The following FBRS variants were observed in gnomAD, a reference collection of about 807,000 sequenced individuals.
FBRS encodes fibrosin, also known as probable fibrosin-1.
In FBRS, 15 loss-of-function variants were observed where a neutral mutation model predicts 86.1. The ratio of observed to expected loss-of-function variants is 0.17; its 90% CI spans 0.12 to 0.27. The LOEUF (loss-of-function observed/expected upper bound fraction) is 0.27, where lower values mean the gene tolerates loss of function less well. Ranked by LOEUF, FBRS falls within the 10% of genes least tolerant of loss-of-function variation. The probability of loss-of-function intolerance (pLI) is 1.00; values close to 1 mark genes in which losing one functional copy is unlikely to be tolerated. For synonymous variants in FBRS, 666 were observed against 575.8 expected (o/e 1.16, Z -2.24); for missense variants, 1,367 against 1,301.6 (o/e 1.05, Z -0.77).
intron 6 of FBRS, among the ~76,000 whole-genome samples, chr16:30,663,273 TTCTG>T (rs778063196): frequency 2.6e-5 from 4 of 152,200 alleles, no homozygotes; most frequent in Non-Finnish European, 5.9e-5. Flanking sequence ...GATTTCCTCT[TTCTG>T]TCAAATGGAA....
Position 30,669,986 on chromosome 16 carries a change from G to C in FBRS, c.*341G>C, listed in dbSNP as rs1224481060. On this transcript the variant is annotated 3_prime_UTR_variant, in exon 18 of 18. Coordinates refer to ENST00000356166, the MANE Select transcript of FBRS (RefSeq NM_001105079.3). The surrounding 1 kb of genome is among the most constrained non-coding windows in gnomAD (Gnocchi z 5.9). ...GCCTGCCTCCCCAAGGGCTCACTAA[G>C]CCAGAGGCCAAAGTGCCCCCTCCCG... 7.7e-6 allele frequency: 4 copies of C among 520,994 alleles called. No homozygotes were observed. Among genetic ancestry groups the C allele is most frequent in the South Asian group, 7.0e-5 (4 of 57,168 alleles). 32.3% of individuals were successfully genotyped at this position (520,994 alleles called of 1,614,324 possible). A position where few individuals can be genotyped will look rare whatever the true frequency, so the allele number is the denominator to read the frequency against.
In FBRS at chr16:30,665,142, G is replaced by A; in HGVS notation, c.1608+63G>A. On this transcript the variant is annotated intron_variant, in intron 9 of 17. Coordinates refer to ENST00000356166, the MANE Select transcript of FBRS (RefSeq NM_001105079.3). The surrounding 1 kb of genome is among the most constrained non-coding windows in gnomAD (Gnocchi z 4.1). Reference sequence around the variant, plus strand: ...TGTGGGCGTGGATGCATCCATGCTTGTGACCCTGACTGCTGGGGTCCAGTC... The same window carrying A: ...TGTGGGCGTGGATGCATCCATGCTTATGACCCTGACTGCTGGGGTCCAGTC... The A allele has an allele frequency of 6.3e-7, 1 of 1,584,428 alleles. No homozygotes were observed. Among genetic ancestry groups the A allele is most frequent in the South Asian group, 1.1e-5 (1 of 87,332 alleles).
rs1412136336 is a variant in FBRS at position 30,659,111 on chromosome 16, G to C, written c.-408G>C. On this transcript the variant is annotated 5_prime_UTR_variant, in exon 1 of 18. Coordinates refer to ENST00000356166, the MANE Select transcript of FBRS (RefSeq NM_001105079.3). ...GGTCTGCGTTTCGGGGCGAGCTTTCGGCCCCTTTTAAAGGGGTGGCCCTTC... is the reference window on the plus strand; with the variant it reads ...GGTCTGCGTTTCGGGGCGAGCTTTCCGCCCCTTTTAAAGGGGTGGCCCTTC... 6.6e-6 allele frequency: 1 copy of C among 152,200 alleles called. No homozygotes were observed. The highest frequency in any genetic ancestry group is 1.9e-4 in the East Asian group (1 of 5,172). The allele number at this position is 152,200 out of a possible 1,614,324, so 9.4% of individuals were successfully genotyped here. A position where few individuals can be genotyped will look rare whatever the true frequency, so the allele number is the denominator to read the frequency against.
Position 30,665,486 on chromosome 16 carries a change from C to T in FBRS, c.1704+85C>T. On this transcript the variant is annotated intron_variant, in intron 10 of 17. Transcript: ENST00000356166. This position sits in a 1 kb window ranked among gnomAD's most constrained non-coding sequence, Gnocchi z 4.1. ...GGTCCAAGCACCCTTCTCCCATTCC[C>T]CAAAGTCGTGCCCATCCTCCTGCCC... 6.9e-7 allele frequency: 1 copy of T among 1,447,208 alleles called. No individual in the cohort carries two copies. The highest frequency in any genetic ancestry group is 1.2e-5 in the South Asian group (1 of 82,052). The allele number at this position is 1,447,208 out of a possible 1,614,324, so 89.6% of individuals were successfully genotyped here. A position where few individuals can be genotyped will look rare whatever the true frequency, so the allele number is the denominator to read the frequency against.
Position 30,662,479 on chromosome 16 carries a change from A to C in FBRS, c.754+11A>C, listed in dbSNP as rs2052472993. 1 of 1,550,502 alleles carries C rather than the reference A, an allele frequency of 6.4e-7. No individual in the cohort carries two copies. The highest frequency in any genetic ancestry group is 8.7e-7 in the Non-Finnish European group (1 of 1,147,004). On this transcript the variant is annotated intron_variant, in intron 5 of 17. Coordinates refer to ENST00000356166, the MANE Select transcript of FBRS (RefSeq NM_001105079.3). ...TCTCAACCAGCAAAGGTTGGTCCCAAGGTCTGGGGCTGGAGGCACGGGAGG... is the reference window on the plus strand; with the variant it reads ...TCTCAACCAGCAAAGGTTGGTCCCACGGTCTGGGGCTGGAGGCACGGGAGG...
rs1018496878 is a variant in FBRS at position 30,660,450 on chromosome 16, T to C, written c.639+8T>C. ...AAGCGGAGAAGAAAAGAGGTGAGGT[T>C]GTCCCTTAAAACTCTTTAGGCAGAA... On this transcript the variant is annotated splice_region_variant and intron_variant, in intron 2 of 17. Coordinates refer to ENST00000356166, the MANE Select transcript of FBRS (RefSeq NM_001105079.3). 20 of 1,257,378 alleles carry C rather than the reference T, an allele frequency of 1.6e-5. No individual in the cohort carries two copies. Among genetic ancestry groups the C allele is most frequent in the Middle Eastern group, 2.1e-4 (1 of 4,870 alleles). The allele number at this position is 1,257,378 out of a possible 1,614,324, so 77.9% of individuals were successfully genotyped here.
rs2052508108 is a variant in FBRS at position 30,665,139 on chromosome 16, C to T, written c.1608+60C>T. The T allele has an allele frequency of 6.3e-7, 1 of 1,584,704 alleles. No individual in the cohort carries two copies. The highest frequency in any genetic ancestry group is 8.6e-7 in the Non-Finnish European group (1 of 1,166,062). On this transcript the variant is annotated intron_variant, in intron 9 of 17. Coordinates refer to ENST00000356166, the MANE Select transcript of FBRS (RefSeq NM_001105079.3). The surrounding 1 kb of genome is among the most constrained non-coding windows in gnomAD (Gnocchi z 4.1). The stretch of plus-strand genomic sequence containing the variant: ...TGGTGTGGGCGTGGATGCATCCATG[C>T]TTGTGACCCTGACTGCTGGGGTCCA...
rs1321242777 is a variant in FBRS, at chr16:30,664,833, C to T, written c.1476C>T (p.Asn492=). The part of the protein sequence containing the change: ...RPLAFQFHQH[N]HQHQHTHQHT... ...TGGCCTTCCAGTTCCACCAGCACAA[C>T]CACCAGCACCAGCACACCCACCAGC... The change falls in exon 8 of 18, where the codon AAC becomes AAT. Residue 492 remains asparagine (N), a synonymous_variant. Coordinates refer to ENST00000356166, the MANE Select transcript of FBRS (RefSeq NM_001105079.3). The T allele has an allele frequency of 6.4e-7, 1 of 1,572,006 alleles. No individual in the cohort carries two copies. Among genetic ancestry groups the T allele is most frequent in the Non-Finnish European group, 8.6e-7 (1 of 1,158,532 alleles).
intron 13 of FBRS, 38 bp from the exon 14 acceptor site, chr16:30,667,282 C>G: frequency 6.9e-7 from 1 of 1,443,256 alleles, no homozygotes; most frequent in Non-Finnish European, 9.4e-7. Context: ...ACCAGACTGG[C>G]TCCTCATGTA....
In FBRS at chr16:30,665,562, T is replaced by C. The variant is rs2052513218; in HGVS notation, c.1705-76T>C. 3 of 1,500,584 alleles carry C rather than the reference T, an allele frequency of 2.0e-6. No homozygotes were observed. Among genetic ancestry groups the C allele is most frequent in the Admixed American group, 2.0e-5 (1 of 50,848 alleles). The allele number at this position is 1,500,584 out of a possible 1,614,324, so 93.0% of individuals were successfully genotyped here. A position where few individuals can be genotyped will look rare whatever the true frequency, so the allele number is the denominator to read the frequency against. ...AAAGCCATGATCCCTCCCTGCCCAGTGTCCCAGCTTGGTTCTGGATCCCTT... is the reference window on the plus strand; with the variant it reads ...AAAGCCATGATCCCTCCCTGCCCAGCGTCCCAGCTTGGTTCTGGATCCCTT... On this transcript the variant is annotated intron_variant, in intron 10 of 17. Transcript: ENST00000356166. The surrounding 1 kb of genome is among the most constrained non-coding windows in gnomAD (Gnocchi z 4.1).
rs1402178972 is a variant in FBRS at position 30,670,316 on chromosome 16, G to A, written c.*671G>A. ...GCAGGAGATGACCAACAGGGGGCAGGACCTGGGGACCTGGGCTGGAGGGAA... is the reference window on the plus strand; with the variant it reads ...GCAGGAGATGACCAACAGGGGGCAGAACCTGGGGACCTGGGCTGGAGGGAA... On this transcript the variant is annotated 3_prime_UTR_variant, in exon 18 of 18. Transcript: ENST00000356166. 5.0e-6 allele frequency: 2 copies of A among 402,032 alleles called. No individual in the cohort carries two copies. Among genetic ancestry groups the A allele is most frequent in the Admixed American group, 5.9e-5 (2 of 33,868 alleles). 24.9% of individuals were successfully genotyped at this position (402,032 alleles called of 1,614,324 possible).
At position 30,668,780 on chromosome 16, in the gene FBRS, G is replaced by T. The variant is rs1341363825; in HGVS notation, c.2167G>T (p.Ala723Ser). Residue 723 changes from alanine to serine, a missense_variant, in exon 17 of 18, where the codon GCC (alanine) becomes TCC (serine). By Grantham distance (99) the Ala-to-Ser change is moderately conservative. Coordinates refer to ENST00000356166, the MANE Select transcript of FBRS (RefSeq NM_001105079.3). ...GLGSPTFNSG[A>S]VFAQKESPGA... Reference sequence around the variant, plus strand: ...CTTCACCCTCTGCCCAGACTCCGGCGCCGTCTTTGCCCAGAAAGAAAGCCC... The same window carrying T: ...CTTCACCCTCTGCCCAGACTCCGGCTCCGTCTTTGCCCAGAAAGAAAGCCC... 1.9e-6 allele frequency: 3 copies of T among 1,599,556 alleles called. No homozygotes were observed. Among genetic ancestry groups the T allele is most frequent in the South Asian group, 2.2e-5 (2 of 90,720 alleles).
chr16:30,662,378 C>A (rs1279713087), intron 4 of FBRS, 42 bp from the exon 5 acceptor site: 3 of 1,549,128 alleles, frequency 1.9e-6, no homozygotes, highest in Admixed American at 2.0e-5. Context: ...GGAGGCCTGG[C>A]CCACCCACAA....
chr16:30,661,275 G>A (rs912036239), intron 3 of FBRS, 29 bp from the exon 4 acceptor site: 2 of 1,550,800 alleles, frequency 1.3e-6, no homozygotes, highest in Non-Finnish European at 8.7e-7. Context: ...CTTCCCTCTC[G>A]TGACACCTCT....
Position 30,664,425 on chromosome 16 carries a change from C to CCAAG in FBRS, c.1266_1267insCAAG (p.Leu423GlnfsTer28). 7.1e-7 allele frequency: 1 copy of CCAAG among 1,401,650 alleles called. No individual in the cohort carries two copies. Among genetic ancestry groups the CCAAG allele is most frequent in the South Asian group, 1.4e-5 (1 of 69,058 alleles). 86.8% of individuals were successfully genotyped at this position (1,401,650 alleles called of 1,614,324 possible). On this transcript the variant is annotated frameshift_variant, in exon 7 of 18. Coordinates refer to ENST00000356166, the MANE Select transcript of FBRS (RefSeq NM_001105079.3). LOFTEE classifies it high-confidence loss of function. The stretch of plus-strand genomic sequence containing the variant: ...CCCCCCCACCACCCCACCACCCCTC[C>CCAAG]TTGTTCTCCCCTGGCCCCACCCTGC...
At chr16:30,662,214 C>T (rs1287365366) in intron 4 of FBRS, 9 of 742,434 alleles carry the variant, frequency 1.2e-5, no homozygotes, top group Non-Finnish European at 1.5e-5. Context: ...CTTGGCCTAT[C>T]GGATTCTTGG....
At chr16:30,661,108 T>A (rs1167808030) in intron 2 of FBRS, 72 bp from the exon 3 acceptor site, 55 of 1,548,212 alleles carry the variant, frequency 3.6e-5, no homozygotes, top group Admixed American at 1.2e-4. Context: ...ATGAGCGCCC[T>A]GCTGGGAGCT....
intron 1 of FBRS, 120 bp downstream of exon 1, chr16:30,660,097 C>T: frequency 6.9e-7 from 1 of 1,444,268 alleles, no homozygotes; most frequent in Non-Finnish European, 9.1e-7. Context: ...GAGCAACCGG[C>T]TCCTCTGGCC....
Position 30,660,267 on chromosome 16 carries a change from A to T in FBRS, c.464A>T (p.Asp155Val), listed in dbSNP as rs979897818. Residue 155 changes from aspartate (D) to valine (V), a missense_variant, in exon 2 of 18, where the codon GAT becomes GTT. Coordinates refer to ENST00000356166, the MANE Select transcript of FBRS (RefSeq NM_001105079.3). ...GCCCCACCTCCTCCTCCACAGAAGGATGCATCTCTTCAGCCCCCAGAGCGA... is the reference window on the plus strand; with the variant it reads ...GCCCCACCTCCTCCTCCACAGAAGGTTGCATCTCTTCAGCCCCCAGAGCGA... Reference protein sequence around the residue: ...SFATLEALQKDASLQPPERLE... With the variant: ...SFATLEALQKVASLQPPERLE... 1.7e-5 allele frequency: 23 copies of T among 1,319,230 alleles called. No individual in the cohort carries two copies. Among genetic ancestry groups the T allele is most frequent in the Non-Finnish European group, 2.2e-5 (23 of 1,026,754 alleles). 81.7% of individuals were successfully genotyped at this position (1,319,230 alleles called of 1,614,324 possible). A position where few individuals can be genotyped will look rare whatever the true frequency, so the allele number is the denominator to read the frequency against.
Sources: allele counts gnomAD v4.1 joint callset (sites outside exome capture counted in the v4.1 genomes callset), GRCh38; gene constraint gnomAD v4.1.1; non-coding constraint Gnocchi (gnomAD v3.1); transcripts MANE v1.5; gene names NCBI Gene and HGNC (gene_info 2026-07-23, HGNC 2026-07-21).